The following OPN5 variants were observed in gnomAD, a reference collection of about 807,000 sequenced individuals.
The protein encoded by OPN5 is opsin 5, also known as opsin-5.
A neutral mutation model predicts 41.7 loss-of-function variants in OPN5; 18 were observed. The ratio of observed to expected loss-of-function variants is 0.43; its 90% CI spans 0.30 to 0.64. The LOEUF is 0.64. Among genes scored for constraint, OPN5 ranks in the 30% least tolerant of loss-of-function variants. OPN5 has a pLI of 0.13. For synonymous variants in OPN5, 178 were observed against 164.3 expected, an observed-to-expected ratio of 1.08 and a Z score of -0.64; for missense variants, 318 against 434.5, an observed-to-expected ratio of 0.73 and a Z score of 2.38.
intron 6 of OPN5, among the ~76,000 whole-genome samples, chr6:47,816,348 C>T (rs1762429520): frequency 6.6e-6 from 1 of 152,096 alleles, no homozygotes; most frequent in Admixed American, 6.6e-5. Context: ...TGCAAAATAT[C>T]AGGAGAGGTC....
intron 2 of OPN5, 147 bp downstream of exon 2, chr6:47,786,781 T>C: frequency 1.4e-6 from 1 of 720,242 alleles, no homozygotes; most frequent in East Asian, 2.6e-5. Flanking sequence ...CAGAGTTTTG[T>C]GGTAAGTCAA....
intron 1 of OPN5, 61 bp from the exon 2 acceptor site, chr6:47,786,454 C>T: frequency 1.4e-6 from 2 of 1,463,086 alleles, no homozygotes; most frequent in Middle Eastern, 3.6e-4. Context: ...AGAAGTGTTT[C>T]ATATCTGAGT....
intron 4 of OPN5, among the ~76,000 whole-genome samples, chr6:47,802,744 A>G (rs1420827949): frequency 4.6e-5 from 7 of 152,094 alleles, no homozygotes; most frequent in African/African-American, 1.7e-4. Flanking sequence ...CTTGTAAGTT[A>G]TTTTCTGTTC....
At chr6:47,818,535 AG>A (rs1209628749) in intron 6 of OPN5, among the ~76,000 whole-genome samples, 1 of 152,204 alleles carries the variant, frequency 6.6e-6, no homozygotes, top group Non-Finnish European at 1.5e-5. Flanking sequence ...GGGATTTGGC[AG>A]GGCATTCATC....
intron 6 of OPN5, among the ~76,000 whole-genome samples, chr6:47,819,147 T>A (rs911457554): frequency 1.3e-5 from 2 of 151,296 alleles, no homozygotes; most frequent in Non-Finnish European, 2.9e-5. Flanking sequence ...GTCAAAAAAA[T>A]TTATTTTTAG....
intron 6 of OPN5, among the ~76,000 whole-genome samples, chr6:47,822,674 T>C (rs544964287): frequency 1.3e-3 from 194 of 152,312 alleles, no homozygotes; most frequent in Middle Eastern, 0.01. Context: ...ATGAGAGTGT[T>C]GTGGAGCCTG....
intron 5 of OPN5, among the ~76,000 whole-genome samples, chr6:47,810,397 G>T (rs922017372): frequency 6.6e-6 from 1 of 152,124 alleles, no homozygotes; most frequent in Non-Finnish European, 1.5e-5. Context: ...AAGCCAAAAA[G>T]AAACCTCATT....
intron 6 of OPN5, among the ~76,000 whole-genome samples, chr6:47,814,707 A>G (rs988704362): frequency 1.3e-5 from 2 of 152,146 alleles, no homozygotes; most frequent in Non-Finnish European, 2.9e-5. Context: ...GTGGCTTCCA[A>G]TGATTTGAGA....
intron 4 of OPN5, among the ~76,000 whole-genome samples, chr6:47,802,161 A>G (rs1311503243): frequency 2.0e-5 from 3 of 152,280 alleles, no homozygotes; most frequent in African/African-American, 2.4e-5. Flanking sequence ...CCCTACAGCT[A>G]TGGACTTGGG....
At chr6:47,808,760 G>A (rs1774076463) in intron 5 of OPN5, among the ~76,000 whole-genome samples, 1 of 148,752 alleles carries the variant, frequency 6.7e-6, no homozygotes, top group South Asian at 2.2e-4. Flanking sequence ...ACAATAGAAT[G>A]GTTCTCTTGT....
At chr6:47,785,402 A>G (rs1251624635) in intron 1 of OPN5, among the ~76,000 whole-genome samples, 2 of 152,166 alleles carry the variant, frequency 1.3e-5, no homozygotes, top group Non-Finnish European at 2.9e-5. Context: ...ATTTCCTAAG[A>G]GCACAATGCA....
intron 2 of OPN5, chr6:47,787,403 C>G (rs1452208987): frequency 6.6e-6 from 1 of 152,180 alleles, no homozygotes; most frequent in Non-Finnish European, 1.5e-5. Context: ...AAATATGAAC[C>G]ATTTTAAGTA....
chr6:47,783,637 A>G (rs1773130575), intron 1 of OPN5, among the ~76,000 whole-genome samples: 1 of 152,090 alleles, frequency 6.6e-6, no homozygotes, highest in South Asian at 2.1e-4. Flanking sequence ...ATGAGTCCCC[A>G]TCTCTTTTCA....
intron 2 of OPN5, among the ~76,000 whole-genome samples, chr6:47,789,631 A>G (rs1316454115): frequency 6.6e-6 from 1 of 152,202 alleles, no homozygotes; most frequent in Non-Finnish European, 1.5e-5. Context: ...TAGTCTAGCA[A>G]GCTGAAAGAT....
chr6:47,806,165 C>T (rs770599366), intron 4 of OPN5, among the ~76,000 whole-genome samples: 6 of 151,772 alleles, frequency 4.0e-5, no homozygotes, highest in South Asian at 2.1e-4. Context: ...GGTGAACAAA[C>T]GAACAAACAA....
chr6:47,793,547 T>G (rs537816382), intron 3 of OPN5: 2 of 152,806 alleles, frequency 1.3e-5, no homozygotes, highest in Non-Finnish European at 2.9e-5. Flanking sequence ...TGGCCTCTTC[T>G]TGAATAATTC....
chr6:47,800,841 A>G (rs948870217), intron 4 of OPN5, among the ~76,000 whole-genome samples: 5 of 152,246 alleles, frequency 3.3e-5, no homozygotes, highest in African/African-American at 9.6e-5. Flanking sequence ...TTTCAGTACA[A>G]TGACAGGAAG....
chr6:47,821,285 C>T (rs1466307136), intron 6 of OPN5, among the ~76,000 whole-genome samples: 1 of 152,204 alleles, frequency 6.6e-6, no homozygotes, highest in Non-Finnish European at 1.5e-5. Context: ...AGTCTCACTA[C>T]CTTGTGGGGA....
At chr6:47,819,281 G>C (rs796599506) in intron 6 of OPN5, among the ~76,000 whole-genome samples, 52 of 137,996 alleles carry the variant, frequency 3.8e-4, no homozygotes, top group African/African-American at 1.3e-3. Context: ...CTGGGTAGTG[G>C]CATCAATGCC....
Sources: allele counts gnomAD v4.1 joint callset (sites outside exome capture counted in the v4.1 genomes callset), GRCh38; gene constraint gnomAD v4.1.1; transcripts MANE v1.5; gene names NCBI Gene and HGNC (gene_info 2026-07-23, HGNC 2026-07-21).